DMD: variants seen among roughly 807,000 people sequenced by gnomAD.
DMD encodes mutant dystrophin.
In DMD, 63 loss-of-function variants were observed where a neutral mutation model predicts 330.1. The observed-to-expected ratio is 0.19, with a 90% confidence interval of 0.16 to 0.24. The LOEUF is 0.24. Among genes scored for constraint, DMD ranks in the 10% least tolerant of loss-of-function variants. The pLI, the probability that DMD is intolerant of heterozygous loss-of-function variation, is 1.00. For missense variants in DMD, 3,344 were observed against 2,684.1 expected, an observed-to-expected ratio of 1.25 and a Z score of -5.43; for synonymous variants, 1,223 against 959.8, an observed-to-expected ratio of 1.27 and a Z score of -5.07.
At chrX:32,673,416 GTTAC>G (rs1172281184) in intron 9 of DMD, among the ~76,000 whole-genome samples, 1 of 111,204 alleles carries the variant, frequency 9.0e-6, no homozygotes, top group African/African-American at 3.3e-5. Flanking sequence ...CATGCTAATG[GTTAC>G]TTGTTTTTGA....
chrX:32,490,744 A>C (rs767884173), intron 20 of DMD, among the ~76,000 whole-genome samples: 2 of 111,867 alleles, frequency 1.8e-5, no homozygotes, highest in Non-Finnish European at 3.8e-5. Context: ...TTACTACACT[A>C]TCCGGTGTGG....
At chrX:32,253,143 G>A (rs1453813430) in intron 43 of DMD, among the ~76,000 whole-genome samples, 1 of 106,682 alleles carries the variant, frequency 9.4e-6, no homozygotes, top group African/African-American at 3.4e-5. Context: ...AGGTCTTTAA[G>A]AACCTCATAG....
At chrX:32,409,147 T>G (rs2098131830) in intron 30 of DMD, among the ~76,000 whole-genome samples, 1 of 111,769 alleles carries the variant, frequency 8.9e-6, no homozygotes, top group Admixed American at 9.6e-5. Flanking sequence ...ACAATTCACT[T>G]ACTGCCATAT....
intron 2 of DMD, among the ~76,000 whole-genome samples, chrX:33,003,552 A>G (rs1406892871): frequency 1.8e-5 from 2 of 112,065 alleles, no homozygotes; most frequent in Non-Finnish European, 3.8e-5. Context: ...AACTGTTTAG[A>G]ATCTTAACTA....
chrX:31,365,298 T>A (rs770925601), intron 60 of DMD, among the ~76,000 whole-genome samples: 1 of 111,015 alleles, frequency 9.0e-6, no homozygotes, highest in East Asian at 2.8e-4. Context: ...CCTCTCAGGG[T>A]CAATAATATT....
At chrX:33,064,856 T>C (rs1469140299) in intron 1 of DMD, among the ~76,000 whole-genome samples, 2 of 111,115 alleles carry the variant, frequency 1.8e-5, no homozygotes, top group African/African-American at 6.6e-5. Flanking sequence ...GCCACTGCAC[T>C]TCAGCCTCGG....
rs1055373481 is a variant in DMD, at chrX:31,798,914, T to A, written c.7309+21061A>T. On this transcript the variant is annotated intron_variant, in intron 50 of 78. Coordinates refer to ENST00000357033, the MANE Select transcript of DMD (RefSeq NM_004006.3). ...TCCCTCTAAATTTCCTTAGCTCCCC[T>A]AGCTAGCTTTGTCTCTGGAACAAGA... is the stretch of plus-strand genomic sequence containing the variant. Among the ~76,000 whole-genome samples, 3 of 111,700 alleles carry A rather than the reference T, an allele frequency of 2.7e-5. 1 individual carries two copies. Among genetic ancestry groups the A allele is most frequent in the Non-Finnish European group, 5.6e-5 (3 of 53,156 alleles).
chrX:32,338,236 G>A (rs1248011353), intron 41 of DMD, among the ~76,000 whole-genome samples: 2 of 111,270 alleles, frequency 1.8e-5, no homozygotes, highest in Non-Finnish European at 3.8e-5. Flanking sequence ...CTGATGCTCT[G>A]AGTTTCATTC....
At chrX:32,071,258 T>C (rs1283309957) in intron 44 of DMD, among the ~76,000 whole-genome samples, 1 of 110,167 alleles carries the variant, frequency 9.1e-6, no homozygotes, top group Non-Finnish European at 1.9e-5. Flanking sequence ...CCACAATGGT[T>C]GAACTAGTTT....
chrX:32,676,483 T>C (rs1049544798), intron 9 of DMD, among the ~76,000 whole-genome samples: 9 of 111,626 alleles, frequency 8.1e-5, no homozygotes, highest in Non-Finnish European at 1.7e-4. Flanking sequence ...TTTCTCAGAA[T>C]TTCATTGCCA....
chrX:31,745,307 G>C (rs1269388181), intron 51 of DMD, among the ~76,000 whole-genome samples: 1 of 111,354 alleles, frequency 9.0e-6, no homozygotes, highest in African/African-American at 3.3e-5. Context: ...ATCAAGTTGA[G>C]AAGGGAAGCT....
intron 75 of DMD, among the ~76,000 whole-genome samples, chrX:31,147,068 G>T (rs1198441851): frequency 9.0e-6 from 1 of 111,475 alleles, no homozygotes; most frequent in African/African-American, 3.3e-5. Context: ...AACCATTTTG[G>T]TAGGAAACAA....
intron 1 of DMD, among the ~76,000 whole-genome samples, chrX:33,284,774 A>G (rs2053404270): frequency 1.5e-5 from 1 of 68,722 alleles, no homozygotes. Flanking sequence ...AGCGTAGCAC[A>G]TAGATATTCC....
At chrX:32,700,140 A>T (rs2063984228) in intron 7 of DMD, among the ~76,000 whole-genome samples, 1 of 111,976 alleles carries the variant, frequency 8.9e-6, no homozygotes, top group Admixed American at 9.5e-5. Context: ...CAAGATGTAA[A>T]GTAATCCTTT....
At chrX:31,433,272 C>T (rs1269342625) in intron 60 of DMD, among the ~76,000 whole-genome samples, 2 of 111,441 alleles carry the variant, frequency 1.8e-5, no homozygotes, top group African/African-American at 6.5e-5. Flanking sequence ...TGCATATATG[C>T]CACGTTTTCT....
chrX:32,469,754 G>C (rs1603634235), intron 22 of DMD, among the ~76,000 whole-genome samples: 1 of 110,500 alleles, frequency 9.0e-6, no homozygotes, highest in Non-Finnish European at 1.9e-5. Flanking sequence ...GGCTTTTCTA[G>C]TTCAACAATT....
At chrX:32,199,078 C>T (rs2097020314) in intron 44 of DMD, among the ~76,000 whole-genome samples, 1 of 111,822 alleles carries the variant, frequency 8.9e-6, no homozygotes, top group Non-Finnish European at 1.9e-5. Context: ...ATTGTGAATG[C>T]GATGAGAAAG....
chrX:32,667,767 GTTTTTT>G (rs201162726), intron 9 of DMD, among the ~76,000 whole-genome samples: 1 of 81,703 alleles, frequency 1.2e-5, no homozygotes, highest in African/African-American at 5.0e-5. Context: ...CTGCTTTTGT[GTTTTTT>G]TTTTTTTTTT....
At chrX:31,384,513 T>C (rs1328009414) in intron 60 of DMD, among the ~76,000 whole-genome samples, 1 of 111,732 alleles carries the variant, frequency 8.9e-6, no homozygotes, top group Non-Finnish European at 1.9e-5. Flanking sequence ...GTAGACTCAT[T>C]TCCCCCATGC....
Sources: gnomAD v4.1 joint callset for allele counts (sites outside exome capture counted in the v4.1 genomes callset) on GRCh38, gnomAD v4.1.1 for gene constraint, MANE v1.5 for transcripts, NCBI Gene and HGNC (gene_info 2026-07-23, HGNC 2026-07-21) for gene names.